EXOC4: variants seen among roughly 807,000 people sequenced by gnomAD.
The protein encoded by EXOC4 is SEC8-like 1.
A neutral mutation model predicts 107.2 loss-of-function variants in EXOC4; 71 were observed. That is an observed-to-expected ratio of 0.66 (90% CI 0.55 to 0.81). The LOEUF (loss-of-function observed/expected upper bound fraction) is 0.81, where lower values mean the gene tolerates loss of function less well. EXOC4 is among the 30% of genes least tolerant of loss of function. The pLI, the probability that EXOC4 is intolerant of heterozygous loss-of-function variation, is 0.00. For missense variants in EXOC4, 1,108 were observed against 1,189.6 expected (o/e 0.93, Z 1.01); for synonymous variants, 456 against 441.2 (o/e 1.03, Z -0.42).
chr7:133,380,128 TACCTA>T (rs1184736322), intron 7 of EXOC4, among the ~76,000 whole-genome samples: 1 of 151,736 alleles, frequency 6.6e-6, no homozygotes, highest in Non-Finnish European at 1.5e-5. Flanking sequence ...TTAGGAGATA[TACCTA>T]ATGTAAATGA....
intron 9 of EXOC4, among the ~76,000 whole-genome samples, chr7:133,628,209 A>C (rs1802504006): frequency 6.6e-6 from 1 of 152,160 alleles, no homozygotes; most frequent in Non-Finnish European, 1.5e-5. Context: ...ATAGTTAGTG[A>C]AATGTCACTT....
chr7:133,750,733 C>A (rs1439068090), intron 10 of EXOC4, among the ~76,000 whole-genome samples: 1 of 152,070 alleles, frequency 6.6e-6, no homozygotes, highest in Admixed American at 6.6e-5. Flanking sequence ...GCTCACACCA[C>A]CATGCCCAAA....
chr7:133,604,713 T>TCCTTCCTTCC (rs1474575504), intron 9 of EXOC4, among the ~76,000 whole-genome samples: 2 of 56,550 alleles, frequency 3.5e-5, no homozygotes, highest in African/African-American at 1.1e-4. Context: ...CTTCTTTCTT[T>TCCTTCCTTCC]TTTTTTTTTT....
chr7:133,936,607 CTTGA>C (rs1800306934), intron 13 of EXOC4, among the ~76,000 whole-genome samples: 1 of 152,114 alleles, frequency 6.6e-6, no homozygotes, highest in South Asian at 2.1e-4. Context: ...GTGTAACTTT[CTTGA>C]TTTTTTTCCC....
At chr7:133,654,561 T>C (rs1481540176) in intron 10 of EXOC4, among the ~76,000 whole-genome samples, 2 of 151,966 alleles carry the variant, frequency 1.3e-5, no homozygotes, top group East Asian at 1.9e-4. Flanking sequence ...CATTTGGGAG[T>C]GTTGGTTATG....
At chr7:134,084,709 T>TAAAAAA in the EXOC4 span, among the ~76,000 whole-genome samples, 167 of 83,164 alleles carry the variant, frequency 2.0e-3, 1 homozygote, top group African/African-American at 7.5e-3. Context: ...GGTGCAGCCG[T>TAAAAAA]AAAAAAAAAA....
chr7:133,903,329 T>G (rs1799497363), intron 12 of EXOC4, among the ~76,000 whole-genome samples: 1 of 152,156 alleles, frequency 6.6e-6, no homozygotes, highest in Non-Finnish European at 1.5e-5. Flanking sequence ...CTTTAGGTAG[T>G]CAAGGATGGA....
At chr7:133,986,552 A>G (rs2116935153) in intron 14 of EXOC4, among the ~76,000 whole-genome samples, 1 of 152,338 alleles carries the variant, frequency 6.6e-6, no homozygotes, top group South Asian at 2.1e-4. Context: ...AGAAGAAAGG[A>G]CATCTCTATT....
intron 10 of EXOC4, among the ~76,000 whole-genome samples, chr7:133,691,435 T>G (rs1401736046): frequency 2.0e-5 from 3 of 152,208 alleles, no homozygotes; most frequent in Non-Finnish European, 4.4e-5. Context: ...GATAATACTT[T>G]GTAATGTAAT....
chr7:133,566,504 G>A (rs1031284818), intron 9 of EXOC4, among the ~76,000 whole-genome samples: 4 of 152,166 alleles, frequency 2.6e-5, no homozygotes, highest in African/African-American at 9.7e-5. Flanking sequence ...CCTCAATTTA[G>A]TGGGTAAATT....
At chr7:133,811,192 C>T (rs1399949991) in intron 10 of EXOC4, among the ~76,000 whole-genome samples, 1 of 152,110 alleles carries the variant, frequency 6.6e-6, no homozygotes, top group Non-Finnish European at 1.5e-5. Context: ...TAGGAAACCC[C>T]TGGTATAAAA....
chr7:133,632,544 T>A (rs991873253), intron 10 of EXOC4, among the ~76,000 whole-genome samples: 1 of 152,186 alleles, frequency 6.6e-6, no homozygotes, highest in Non-Finnish European at 1.5e-5. Context: ...CTTTTTTTAT[T>A]TGAGTTTTCA....
chr7:133,633,426 A>C (rs1168058818), intron 10 of EXOC4, among the ~76,000 whole-genome samples: 1 of 152,122 alleles, frequency 6.6e-6, no homozygotes, highest in East Asian at 1.9e-4. Flanking sequence ...CTCATATTAA[A>C]AAATAAGTTT....
intron 8 of EXOC4, chr7:133,478,942 C>T (rs1799086835): frequency 6.6e-6 from 1 of 152,138 alleles, no homozygotes; most frequent in Non-Finnish European, 1.5e-5. Flanking sequence ...GAGAGGGGAT[C>T]ACGTAACCCA....
At chr7:133,368,055 G>C (rs921711029) in intron 6 of EXOC4, among the ~76,000 whole-genome samples, 1 of 152,162 alleles carries the variant, frequency 6.6e-6, no homozygotes, top group African/African-American at 2.4e-5. Context: ...TCATGAACTC[G>C]TTTGCCCTCA....
chr7:134,043,252 A>T (rs1795565143), intron 17 of EXOC4, among the ~76,000 whole-genome samples: 1 of 152,134 alleles, frequency 6.6e-6, no homozygotes. Flanking sequence ...CAGAGATGTC[A>T]TGTTATGTCT....
intron 7 of EXOC4, among the ~76,000 whole-genome samples, chr7:133,450,257 C>T (rs1313810596): frequency 1.3e-5 from 2 of 152,068 alleles, no homozygotes; most frequent in Admixed American, 1.3e-4. Context: ...TCAAACTCTT[C>T]GGCTCAAGCA....
At chr7:133,372,601 G>C (rs1391069524) in intron 6 of EXOC4, among the ~76,000 whole-genome samples, 6 of 151,818 alleles carry the variant, frequency 4.0e-5, no homozygotes, top group African/African-American at 1.5e-4. Context: ...TCTTGTCCTT[G>C]ACTGACAGGC....
At chr7:133,708,456 A>G (rs558789353) in intron 10 of EXOC4, among the ~76,000 whole-genome samples, 1 of 152,252 alleles carries the variant, frequency 6.6e-6, no homozygotes, top group Non-Finnish European at 1.5e-5. Flanking sequence ...GGAAGAAGAC[A>G]ATCAACACAT....
Sources: gnomAD v4.1 joint callset for allele counts (sites outside exome capture counted in the v4.1 genomes callset) on GRCh38, gnomAD v4.1.1 for gene constraint, MANE v1.5 for transcripts, NCBI Gene and HGNC (gene_info 2026-07-23, HGNC 2026-07-21) for gene names.